Variants in UBE2R2 observed in about 807,000 individuals in gnomAD.
The protein encoded by UBE2R2 is ubiquitin-conjugating enzyme E2 R2.
UBE2R2 carries 1 observed loss-of-function variant against 27.8 expected under a neutral mutation model. The observed-to-expected ratio is 0.04, with a 90% CI of 0.01 to 0.17. UBE2R2 has a LOEUF of 0.17. UBE2R2 is among the 10% of genes least tolerant of loss of function. The pLI, the probability that UBE2R2 is intolerant of heterozygous loss-of-function variation, is 1.00. For missense variants in UBE2R2, 100 were observed against 291.0 expected (o/e 0.34, Z 4.78); for synonymous variants, 106 against 113.3 (o/e 0.94, Z 0.41).
chr9:33,838,913 C>T (rs1168783631), intron 1 of UBE2R2, among the ~76,000 whole-genome samples: 1 of 151,748 alleles, frequency 6.6e-6, no homozygotes, highest in Non-Finnish European at 1.5e-5. Context: ...GAAACCTGGT[C>T]TATACTAAAA....
intron 1 of UBE2R2, among the ~76,000 whole-genome samples, chr9:33,841,164 C>T (rs1587437004): frequency 6.6e-6 from 1 of 151,970 alleles, no homozygotes; most frequent in East Asian, 1.9e-4. Context: ...CTCACTGCAA[C>T]CTCTGCCTCC....
At chr9:33,869,462 T>C (rs577569812) in intron 1 of UBE2R2, among the ~76,000 whole-genome samples, 10 of 148,918 alleles carry the variant, frequency 6.7e-5, no homozygotes, top group Non-Finnish European at 8.9e-5. Flanking sequence ...TTTATTTATT[T>C]TGAGACAGAG....
At chr9:33,888,023 T>C (rs2130797341) in intron 2 of UBE2R2, among the ~76,000 whole-genome samples, 1 of 152,338 alleles carries the variant, frequency 6.6e-6, no homozygotes, top group East Asian at 1.9e-4. Context: ...TTGGGGATTT[T>C]GCAGGTATCT....
At chr9:33,912,820 C>A (rs1213134781) in intron 4 of UBE2R2, among the ~76,000 whole-genome samples, 4 of 152,042 alleles carry the variant, frequency 2.6e-5, no homozygotes, top group Admixed American at 1.3e-4. Context: ...CTTTTACTTT[C>A]TCCTCTGTAT....
intron 1 of UBE2R2, chr9:33,818,494 A>G (rs1309762296): frequency 2.1e-5 from 3 of 145,882 alleles, no homozygotes; most frequent in Admixed American, 7.0e-5. Context: ...TTGCATTCCA[A>G]TGGGTGGTGG....
intron 1 of UBE2R2, among the ~76,000 whole-genome samples, chr9:33,823,366 A>G (rs919975228): frequency 6.6e-6 from 1 of 151,316 alleles, no homozygotes; most frequent in African/African-American, 2.4e-5. Context: ...TTGGTAAAAT[A>G]TAGTTGAAAA....
At chr9:33,850,765 A>T (rs550845446) in intron 1 of UBE2R2, among the ~76,000 whole-genome samples, 1 of 152,332 alleles carries the variant, frequency 6.6e-6, no homozygotes, top group East Asian at 1.9e-4. Context: ...AAGACTTACA[A>T]TAAGGAACAA....
chr9:33,815,999 G>C (rs1258313691), upstream of UBE2R2, among the ~76,000 whole-genome samples: 1 of 151,978 alleles, frequency 6.6e-6, no homozygotes, highest in Non-Finnish European at 1.5e-5. Flanking sequence ...GCTTGAACCT[G>C]GGAGGCGGAG....
intron 1 of UBE2R2, among the ~76,000 whole-genome samples, chr9:33,863,050 T>C (rs570353970): frequency 6.6e-6 from 1 of 152,042 alleles, no homozygotes; most frequent in Admixed American, 6.6e-5. Context: ...TAGCCAGGCA[T>C]GGTGGCACGC....
At chr9:33,862,336 A>AT (rs1821258862) in intron 1 of UBE2R2, among the ~76,000 whole-genome samples, 2 of 152,124 alleles carry the variant, frequency 1.3e-5, no homozygotes, top group African/African-American at 4.8e-5. Flanking sequence ...TACACACCTC[A>AT]TATCCAGAAC....
At chr9:33,902,824 G>T (rs947717071) in intron 3 of UBE2R2, among the ~76,000 whole-genome samples, 1 of 152,178 alleles carries the variant, frequency 6.6e-6, no homozygotes, top group African/African-American at 2.4e-5. Flanking sequence ...TGTAGGCCGG[G>T]CGCAGTGGCT....
At chr9:33,876,867 G>A (rs1400843944) in intron 1 of UBE2R2, among the ~76,000 whole-genome samples, 1 of 151,890 alleles carries the variant, frequency 6.6e-6, no homozygotes, top group Non-Finnish European at 1.5e-5. Flanking sequence ...AGTGAGCCGA[G>A]ATCGTGCCAC....
intron 1 of UBE2R2, among the ~76,000 whole-genome samples, chr9:33,845,193 T>C (rs920396565): frequency 6.6e-6 from 1 of 152,088 alleles, no homozygotes; most frequent in African/African-American, 2.4e-5. Flanking sequence ...TTTTTCTTTT[T>C]TGTTTTTGAG....
At chr9:33,854,105 A>T (rs1045694504) in intron 1 of UBE2R2, among the ~76,000 whole-genome samples, 7 of 152,250 alleles carry the variant, frequency 4.6e-5, no homozygotes, top group Non-Finnish European at 7.3e-5. Flanking sequence ...CGAGTCACTT[A>T]GTATGTTTTA....
At chr9:33,915,118 A>C (rs1822609620) in intron 4 of UBE2R2, among the ~76,000 whole-genome samples, 1 of 149,486 alleles carries the variant, frequency 6.7e-6, no homozygotes. Context: ...TGACAGTGGG[A>C]GACCTTGTCT....
intron 1 of UBE2R2, among the ~76,000 whole-genome samples, chr9:33,835,301 C>T (rs1207436967): frequency 6.6e-6 from 1 of 151,870 alleles, no homozygotes; most frequent in East Asian, 1.9e-4. Context: ...CACCCACCAC[C>T]ATGCCTGGGT....
At chr9:33,871,077 T>C (rs188192274) in intron 1 of UBE2R2, among the ~76,000 whole-genome samples, 2 of 152,364 alleles carry the variant, frequency 1.3e-5, no homozygotes, top group East Asian at 3.9e-4. Context: ...GCTCAAGTAG[T>C]ACCCCTTTGT....
intron 2 of UBE2R2, among the ~76,000 whole-genome samples, chr9:33,898,778 G>T (rs1404521278): frequency 1.3e-5 from 2 of 152,126 alleles, no homozygotes; most frequent in South Asian, 2.1e-4. Context: ...AAGACAGAAA[G>T]AAGTTAAATA....
intron 3 of UBE2R2, among the ~76,000 whole-genome samples, chr9:33,903,642 CTTCTCA>C (rs1822292783): frequency 2.0e-5 from 3 of 152,158 alleles, no homozygotes; most frequent in African/African-American, 7.2e-5. Context: ...AATAGGCCTA[CTTCTCA>C]TGTAATCCAG....
Sources: allele counts gnomAD v4.1 joint callset (sites outside exome capture counted in the v4.1 genomes callset), GRCh38; gene constraint gnomAD v4.1.1; transcripts MANE v1.5; gene names NCBI Gene and HGNC (gene_info 2026-07-23, HGNC 2026-07-21).